Variants in XKR6 observed in about 807,000 individuals in gnomAD.
XKR6 encodes the protein XK-related protein 6.
A neutral mutation model predicts 56.7 loss-of-function variants in XKR6; 22 were observed. The ratio of observed to expected loss-of-function variants is 0.39; its 90% CI spans 0.28 to 0.55. XKR6 has a LOEUF of 0.55. XKR6 is among the 20% of genes least tolerant of loss of function. The probability of loss-of-function intolerance (pLI) is 0.66; values close to 1 mark genes in which losing one functional copy is unlikely to be tolerated. For missense variants in XKR6, 852 were observed against 889.0 expected (o/e 0.96, Z 0.53); for synonymous variants, 524 against 387.8 (o/e 1.35, Z -4.13).
chr8:11,050,867 C>T (rs1359847609), intron 1 of XKR6, among the ~76,000 whole-genome samples: 2 of 152,180 alleles, frequency 1.3e-5, no homozygotes, highest in Non-Finnish European at 2.9e-5. Context: ...CTCCTCCCTG[C>T]ACCACCCACT....
At chr8:11,145,135 C>G (rs1406694789) in intron 1 of XKR6, among the ~76,000 whole-genome samples, 1 of 152,004 alleles carries the variant, frequency 6.6e-6, no homozygotes, top group East Asian at 1.9e-4. Context: ...ACATTTTGAG[C>G]AACGACATGA....
intron 1 of XKR6, among the ~76,000 whole-genome samples, chr8:11,101,528 G>C (rs1444398045): frequency 2.0e-5 from 3 of 152,132 alleles, no homozygotes; most frequent in Admixed American, 6.6e-5. Flanking sequence ...GGAAAAACAA[G>C]GATGGAGAGA....
At chr8:11,154,856 C>G (rs1164225587) in intron 1 of XKR6, among the ~76,000 whole-genome samples, 3 of 152,188 alleles carry the variant, frequency 2.0e-5, no homozygotes, top group Non-Finnish European at 2.9e-5. Flanking sequence ...CCTCTACCCT[C>G]TTCAAATCTT....
At chr8:10,955,085 T>A (rs557535342) in intron 1 of XKR6, among the ~76,000 whole-genome samples, 1 of 152,208 alleles carries the variant, frequency 6.6e-6, no homozygotes, top group African/African-American at 2.4e-5. Context: ...GCCAGGTTGG[T>A]CTTGAACTCC....
chr8:11,085,560 G>A (rs1194345257), intron 1 of XKR6, among the ~76,000 whole-genome samples: 4 of 152,182 alleles, frequency 2.6e-5, no homozygotes, highest in African/African-American at 9.7e-5. Context: ...AGAGGCAGGA[G>A]AATGGGGAGT....
rs531178338 is a variant in XKR6 at position 11,096,368 on chromosome 8, A to T, written c.764+104208T>A. Among the ~76,000 whole-genome samples the T allele has an allele frequency of 1.2e-4, 19 of 152,386 alleles. No homozygotes were observed. The South Asian group carries it at 3.7e-3, about 30-fold the overall frequency. ...ATCTTATCTCAAAATTTGGTGGAAC[A>T]TTCAAATAGTTTTACACGGAAGAGT... On this transcript the variant is annotated intron_variant, in intron 1 of 2. Transcript: ENST00000416569.
intron 1 of XKR6, among the ~76,000 whole-genome samples, chr8:11,199,206 T>C (rs1397976680): frequency 6.6e-6 from 1 of 152,254 alleles, no homozygotes; most frequent in Non-Finnish European, 1.5e-5. Context: ...CTCTGGGTGG[T>C]GCAGGGCCTA....
intron 1 of XKR6, among the ~76,000 whole-genome samples, chr8:11,015,187 G>C (rs1439345903): frequency 7.7e-6 from 1 of 129,060 alleles, no homozygotes; most frequent in Non-Finnish European, 1.6e-5. Context: ...GAAATGCTGT[G>C]AGCTGCACTT....
chr8:11,015,013 C>G (rs1195743429), intron 1 of XKR6, among the ~76,000 whole-genome samples: 2 of 152,156 alleles, frequency 1.3e-5, no homozygotes, highest in African/African-American at 2.4e-5. Flanking sequence ...GCCGAAGAAG[C>G]AGACGTGAGA....
chr8:11,200,490 C>G lies in XKR6; in HGVS notation c.764+86G>C, dbSNP rs548706950. 3.0e-6 allele frequency: 4 copies of G among 1,351,924 alleles called. No homozygotes were observed. Among genetic ancestry groups the G allele is most frequent in the Non-Finnish European group, 3.8e-6 (4 of 1,058,292 alleles). The allele number at this position is 1,351,924 out of a possible 1,614,324, so 83.7% of individuals were successfully genotyped here. ...TCCTTCGAGCCCCCCGCGCTGGGCCCTTTCGAGGGGCCGCCCCGCGAAGCA... is the reference window on the plus strand; with the variant it reads ...TCCTTCGAGCCCCCCGCGCTGGGCCGTTTCGAGGGGCCGCCCCGCGAAGCA... On this transcript the variant is annotated intron_variant, in intron 1 of 2. Transcript: ENST00000416569. The surrounding 1 kb of genome is among the most constrained non-coding windows in gnomAD (Gnocchi z 6.4).
At chr8:10,930,056 C>T (rs992701862) in intron 1 of XKR6, among the ~76,000 whole-genome samples, 27 of 151,752 alleles carry the variant, frequency 1.8e-4, no homozygotes, top group African/African-American at 5.5e-4. Flanking sequence ...GAAGCCACAC[C>T]GTCAGTCATG....
intron 1 of XKR6, among the ~76,000 whole-genome samples, chr8:10,982,971 G>C (rs1340405556): frequency 2.0e-5 from 3 of 152,184 alleles, no homozygotes; most frequent in Non-Finnish European, 4.4e-5. Flanking sequence ...ACTTCTCTAA[G>C]CCTATTTTCT....
chr8:10,975,470 A>G (rs1267764897), intron 1 of XKR6, among the ~76,000 whole-genome samples: 1 of 152,236 alleles, frequency 6.6e-6, no homozygotes, highest in African/African-American at 2.4e-5. Context: ...AGCCAGAGCC[A>G]CGTGCTTGCC....
At chr8:11,045,118 G>C (rs28439738) in intron 1 of XKR6, among the ~76,000 whole-genome samples, 12,888 of 111,496 alleles carry the variant, frequency 0.12, 738 homozygotes, top group Middle Eastern at 0.25. Context: ...AGGAAGTGTC[G>C]CTCTGTCGCC....
At chr8:10,930,360 A>G (rs936486849) in intron 1 of XKR6, among the ~76,000 whole-genome samples, 1 of 152,152 alleles carries the variant, frequency 6.6e-6, no homozygotes, top group African/African-American at 2.4e-5. Context: ...AAAATGGTAA[A>G]TTCTACCAAA....
chr8:11,185,094 T>G (rs1387996017), intron 1 of XKR6, among the ~76,000 whole-genome samples: 2 of 152,154 alleles, frequency 1.3e-5, no homozygotes, highest in African/African-American at 4.8e-5. Flanking sequence ...GGTCCCAGTC[T>G]AAGGACATGG....
intron 1 of XKR6, among the ~76,000 whole-genome samples, chr8:11,110,817 G>A (rs1430231217): frequency 5.9e-5 from 9 of 151,938 alleles, no homozygotes; most frequent in East Asian, 1.9e-4. Context: ...AGCATGTTCA[G>A]GTACATGGAA....
Position 10,896,580 on chromosome 8 carries a change from C to T in XKR6, c.*1372G>A, listed in dbSNP as rs1299328722. ...ACACACATACACACACAAACACACA[C>T]ATACTACACACACAAAATTTCCCAT... On this transcript the variant is annotated 3_prime_UTR_variant, in exon 3 of 3. Transcript: ENST00000416569. The T allele has an allele frequency of 6.6e-6, 1 of 152,632 alleles. No homozygotes were observed. The highest frequency in any genetic ancestry group is 1.5e-5 in the Non-Finnish European group (1 of 68,042). The allele number at this position is 152,632 out of a possible 1,614,324, so 9.5% of individuals were successfully genotyped here. A position where few individuals can be genotyped will look rare whatever the true frequency, so the allele number is the denominator to read the frequency against.
At chr8:10,998,554 C>T (rs1371056637) in intron 1 of XKR6, among the ~76,000 whole-genome samples, 2 of 152,180 alleles carry the variant, frequency 1.3e-5, no homozygotes, top group East Asian at 3.8e-4. Context: ...AGTGGTAGAG[C>T]AAAGCGTGGA....
Sources: allele counts gnomAD v4.1 joint callset (sites outside exome capture counted in the v4.1 genomes callset), GRCh38; gene constraint gnomAD v4.1.1; non-coding constraint Gnocchi (gnomAD v3.1); transcripts MANE v1.5; gene names NCBI Gene and HGNC (gene_info 2026-07-23, HGNC 2026-07-21).